The following FAM135A variants were observed in gnomAD, a reference collection of about 807,000 sequenced individuals.
The protein encoded by FAM135A is protein FAM135A.
FAM135A carries 79 observed loss-of-function variants against 146.8 expected under a neutral mutation model. That is an observed-to-expected ratio of 0.54 (90% CI 0.45 to 0.65). The LOEUF (loss-of-function observed/expected upper bound fraction) is 0.65. FAM135A is among the 30% of genes least tolerant of loss of function. The probability of loss-of-function intolerance (pLI) is 0.00; values close to 1 mark genes in which losing one functional copy is unlikely to be tolerated. For synonymous variants in FAM135A, 562 were observed against 603.6 expected (o/e 0.93, Z 1.01); for missense variants, 1,623 against 1,758.2 (o/e 0.92, Z 1.38).
intron 5 of FAM135A, among the ~76,000 whole-genome samples, chr6:70,459,168 C>T (rs551078893): frequency 6.6e-6 from 1 of 152,186 alleles, no homozygotes; most frequent in South Asian, 2.1e-4. Flanking sequence ...ATTACCTGCT[C>T]TATTTTTCTT....
At chr6:70,540,501 T>A (rs1386607206) in intron 20 of FAM135A, among the ~76,000 whole-genome samples, 1 of 151,608 alleles carries the variant, frequency 6.6e-6, no homozygotes, top group African/African-American at 2.4e-5. Flanking sequence ...ATTTTTTGTA[T>A]TTTTTAGTAG....
chr6:70,524,977 A>G lies in FAM135A; in HGVS notation c.1893A>G (p.Glu631=), dbSNP rs1001779922. ...ACGATAGTGAAATTACACAAATGGA[A>G]CACAATCTGGCATCCAGAAGGTCAT... ...SQDDSEITQM[E]HNLASRRSSD... The change falls in exon 15 of 22, where the codon GAA becomes GAG. Residue 631 remains glutamate (E), a synonymous_variant. Coordinates refer to ENST00000418814, the MANE Select transcript of FAM135A (RefSeq NM_001162529.3). The G allele has an allele frequency of 1.2e-6, 2 of 1,603,902 alleles. No homozygotes were observed. Among genetic ancestry groups the G allele is most frequent in the South Asian group, 1.1e-5 (1 of 88,624 alleles).
At chr6:70,443,367 A>G (rs1474778629) in intron 4 of FAM135A, among the ~76,000 whole-genome samples, 1 of 152,268 alleles carries the variant, frequency 6.6e-6, no homozygotes, top group East Asian at 1.9e-4. Context: ...GTTTAGATAC[A>G]CAGATACCTA....
At chr6:70,442,644 C>G (rs1344528380) in intron 4 of FAM135A, among the ~76,000 whole-genome samples, 3 of 151,994 alleles carry the variant, frequency 2.0e-5, no homozygotes, top group African/African-American at 7.2e-5. Context: ...ACTCTGTACC[C>G]TACTTTTGTT....
At chr6:70,433,786 TAAAA>T (rs888990898) in intron 4 of FAM135A, among the ~76,000 whole-genome samples, 8 of 152,196 alleles carry the variant, frequency 5.3e-5, no homozygotes, top group Non-Finnish European at 7.3e-5. Context: ...TATTCAATGT[TAAAA>T]AAAGTTATTT....
At chr6:70,538,745 A>T (rs1446657045) in intron 20 of FAM135A, among the ~76,000 whole-genome samples, 2 of 149,698 alleles carry the variant, frequency 1.3e-5, no homozygotes, top group African/African-American at 4.9e-5. Context: ...GCTGTCTCCC[A>T]CCCCAATCCT....
intron 12 of FAM135A, chr6:70,503,151 T>A (rs1004251934): frequency 6.3e-6 from 1 of 158,794 alleles, no homozygotes. Flanking sequence ...CTCCCTCTTC[T>A]CCTTTTCCTT....
At chr6:70,413,943 C>G (rs983729394) in intron 1 of FAM135A, 1 of 985,434 alleles carries the variant, frequency 1.0e-6, no homozygotes, top group Non-Finnish European at 1.2e-6. Flanking sequence ...GCTGCTCTCC[C>G]GGTGCCCGCG....
Position 70,413,860 on chromosome 6 carries a change from G to A in FAM135A, c.-220+158G>A. ...ACCCGACTGCTGGCGGTCGGAGCCT[G>A]GCCCCGGCCCCGTTGAAGGTCGGTG... On this transcript the variant is annotated intron_variant, in intron 1 of 21. Coordinates refer to ENST00000418814, the MANE Select transcript of FAM135A (RefSeq NM_001162529.3). The A allele has an allele frequency of 6.1e-6, 6 of 985,426 alleles. No homozygotes were observed. The South Asian group carries it at 1.9e-4, about 31-fold the overall frequency. 61.0% of individuals were successfully genotyped at this position (985,426 alleles called of 1,614,324 possible).
chr6:70,542,739 C>T (rs72917973), intron 20 of FAM135A, among the ~76,000 whole-genome samples: 3,786 of 152,228 alleles, frequency 0.025, 74 homozygotes, highest in Non-Finnish European at 0.04. Context: ...GCCTGCTAGA[C>T]ATCTCAATTT....
At position 70,514,987 on chromosome 6, in the gene FAM135A, A is replaced by C. The variant is rs376903025; in HGVS notation, c.1030-7526A>C. Reference sequence around the variant, plus strand: ...TGACCTGGGAGGAAGAGAAATATCCAACTCTAGCCTTCTGTATGGGGGAAA... The same window carrying C: ...TGACCTGGGAGGAAGAGAAATATCCCACTCTAGCCTTCTGTATGGGGGAAA... On this transcript the variant is annotated intron_variant, in intron 12 of 21. Transcript: ENST00000418814. Among the ~76,000 whole-genome samples the C allele has an allele frequency of 9.8e-5, 15 of 152,342 alleles. No individual in the cohort carries two copies. In the South Asian group the frequency reaches 1.0e-3, roughly 11 times the overall value.
At chr6:70,455,114 G>GTT (rs1204870932) in intron 5 of FAM135A, among the ~76,000 whole-genome samples, 2 of 152,078 alleles carry the variant, frequency 1.3e-5, no homozygotes, top group African/African-American at 4.8e-5. Flanking sequence ...TTGAGCAGTG[G>GTT]TTTGTAGTTC....
At chr6:70,541,271 G>A (rs1195677445) in intron 20 of FAM135A, among the ~76,000 whole-genome samples, 1 of 151,792 alleles carries the variant, frequency 6.6e-6, no homozygotes, top group African/African-American at 2.4e-5. Context: ...TGAGAGTGTT[G>A]GGGGGTAGGG....
intron 4 of FAM135A, among the ~76,000 whole-genome samples, chr6:70,448,738 G>C (rs914830440): frequency 1.3e-5 from 2 of 152,190 alleles, no homozygotes; most frequent in African/African-American, 4.8e-5. Context: ...ATGGATATTA[G>C]ATTAACTAAA....
chr6:70,559,607 TA>T, intron 21 of FAM135A, 108 bp from the exon 22 acceptor site: 1 of 867,404 alleles, frequency 1.2e-6, no homozygotes, highest in Non-Finnish European at 1.7e-6. Context: ...TTCTGCTTTA[TA>T]TGGAAATAAT....
At chr6:70,430,343 AAAAC>A (rs1175991866) in intron 4 of FAM135A, among the ~76,000 whole-genome samples, 1 of 151,348 alleles carries the variant, frequency 6.6e-6, no homozygotes, top group Non-Finnish European at 1.5e-5. Context: ...TCTAAAAAAA[AAAAC>A]AAAAAAAGAA....
At chr6:70,418,796 T>C (rs1272198620) in intron 2 of FAM135A, among the ~76,000 whole-genome samples, 2 of 152,172 alleles carry the variant, frequency 1.3e-5, no homozygotes, top group Admixed American at 6.5e-5. Flanking sequence ...ACCAAACCAA[T>C]ACAGACCTAA....
intron 20 of FAM135A, among the ~76,000 whole-genome samples, chr6:70,540,995 G>A (rs559642295): frequency 6.6e-6 from 1 of 152,144 alleles, no homozygotes; most frequent in African/African-American, 2.4e-5. Flanking sequence ...CTTTATCTTT[G>A]AAGTTCAAGA....
intron 4 of FAM135A, among the ~76,000 whole-genome samples, chr6:70,451,581 C>A (rs1777092517): frequency 6.6e-6 from 1 of 152,164 alleles, no homozygotes; most frequent in South Asian, 2.1e-4. Context: ...CCAAATTTGA[C>A]TGACCTTTCA....
Sources: gnomAD v4.1 joint callset for allele counts (sites outside exome capture counted in the v4.1 genomes callset) on GRCh38, gnomAD v4.1.1 for gene constraint, MANE v1.5 for transcripts, NCBI Gene and HGNC (gene_info 2026-07-23, HGNC 2026-07-21) for gene names.